Variants in BOD1L1 observed in about 807,000 individuals in gnomAD.
BOD1L1 encodes biorientation of chromosomes in cell division 1 like 1, also known as biorientation of chromosomes in cell division protein 1-like 1.
A neutral mutation model predicts 240.7 loss-of-function variants in BOD1L1; 86 were observed. The observed-to-expected ratio is 0.36, with a 90% CI of 0.30 to 0.43. The LOEUF is 0.43. Among genes scored for constraint, BOD1L1 ranks in the 20% least tolerant of loss-of-function variants. The pLI is 1.00. For synonymous variants in BOD1L1, 1,268 were observed against 1,272.3 expected (o/e 1.00, Z 0.07); for missense variants, 3,554 against 3,643.5 (o/e 0.98, Z 0.63).
intron 9 of BOD1L1, among the ~76,000 whole-genome samples, chr4:13,606,017 T>G (rs1251319497): frequency 6.6e-6 from 1 of 152,220 alleles, no homozygotes; most frequent in Admixed American, 6.5e-5. Context: ...ATTATTCTTA[T>G]GCAAATAATG....
At chr4:13,608,713 C>CA in intron 7 of BOD1L1, 45 bp from the exon 8 acceptor site, 8 of 1,353,976 alleles carry the variant, frequency 5.9e-6, no homozygotes, top group Non-Finnish European at 7.7e-6. Flanking sequence ...AAAAGTTTTA[C>CA]AAACAATGTA....
intron 21 of BOD1L1, among the ~76,000 whole-genome samples, chr4:13,580,399 C>G (rs372507537): frequency 5.8e-4 from 88 of 152,296 alleles, no homozygotes; most frequent in African/African-American, 2.0e-3. Context: ...CCCTAAGTCA[C>G]AGGTCTCGGG....
chr4:13,593,827 A>AT (rs1714405610), intron 12 of BOD1L1, among the ~76,000 whole-genome samples: 1 of 152,194 alleles, frequency 6.6e-6, no homozygotes, highest in African/African-American at 2.4e-5. Context: ...CCCTCCTGGC[A>AT]CCTTTCCCAA....
intron 21 of BOD1L1, among the ~76,000 whole-genome samples, chr4:13,580,568 C>T (rs187800865): frequency 1.9e-4 from 29 of 152,136 alleles, no homozygotes; most frequent in African/African-American, 5.3e-4. Flanking sequence ...GGTGGGTATA[C>T]GTCAGGGTCA....
chr4:13,609,910 C>T (rs977109804), intron 6 of BOD1L1, among the ~76,000 whole-genome samples: 1 of 152,130 alleles, frequency 6.6e-6, no homozygotes, highest in African/African-American at 2.4e-5. Flanking sequence ...ACTTGCAGGT[C>T]TTTTACAGCA....
Position 13,601,576 on chromosome 4 carries a change from T to A in BOD1L1, c.5324A>T (p.Gln1775Leu), listed in dbSNP as rs61995954. Reference protein sequence around the residue: ...NDAPPGTSASQEGDGSVNDGT... With the variant: ...NDAPPGTSASLEGDGSVNDGT... The stretch of plus-strand genomic sequence containing the variant: ...ATCATTCACAGAACCATCTCCTTCT[T>A]GGCTGGCACTTGTTCCTGGTGGTGC... The change falls in exon 10 of 26, where the codon CAA (glutamine) becomes CTA (leucine). Residue 1775 changes from glutamine (Q) to leucine (L), a missense_variant. This residue lies in a region of BOD1L1 where 3,393 missense variants were observed against 3,427.1 expected (regional missense o/e 0.99). Transcript: ENST00000040738. 7.4e-6 allele frequency: 12 copies of A among 1,614,026 alleles called. No individual in the cohort carries two copies. The highest frequency in any genetic ancestry group is 9.3e-6 in the Non-Finnish European group (11 of 1,179,892).
chr4:13,599,868 A>G lies in BOD1L1; in HGVS notation c.7032T>C (p.Ile2344=), dbSNP rs1714958760. ...TAECMPISAS[I]DRHEENQLTA... ...TCAGCTGATTCTCTTCATGTCTGTC[A>G]ATGCTGGCGGAAATTGGCATACATT... is the stretch of plus-strand genomic sequence containing the variant. The change falls in exon 10 of 26, where the codon ATT becomes ATC. Residue 2344 remains isoleucine (I), a synonymous_variant. Coordinates refer to ENST00000040738, the MANE Select transcript of BOD1L1 (RefSeq NM_148894.3). The G allele has an allele frequency of 1.2e-6, 2 of 1,613,826 alleles. No individual in the cohort carries two copies. Among genetic ancestry groups the G allele is most frequent in the Non-Finnish European group, 1.7e-6 (2 of 1,179,888 alleles).
At position 13,616,611 on chromosome 4, in the gene BOD1L1, C is replaced by T. The variant is rs910522739; in HGVS notation, c.369-1109G>A. ...AGATCAAAGTGCTCGTCATTTTTAG[C>T]TTCTAAGCCTCAACTGCTCTCTATG... is the stretch of plus-strand genomic sequence containing the variant. On this transcript the variant is annotated intron_variant, in intron 2 of 25. Transcript: ENST00000040738. Among the ~76,000 whole-genome samples, 5 of 152,338 alleles carry T rather than the reference C, an allele frequency of 3.3e-5. No individual in the cohort carries two copies. In the South Asian group the frequency reaches 1.0e-3, roughly 32 times the overall value.
chr4:13,577,136 C>G, intron 24 of BOD1L1, 145 bp from the exon 25 acceptor site: 3 of 999,744 alleles, frequency 3.0e-6, no homozygotes, highest in South Asian at 3.5e-5. Context: ...TCAGCACTTG[C>G]AATTCACAAC....
chr4:13,600,443 C>T lies in BOD1L1; in HGVS notation c.6457G>A (p.Glu2153Lys), dbSNP rs773336847. ...MISTSIGEEF[E>K]LPISSATTIK... ...GTTGTTGCACTGGAGATAGGCAATTCGAATTCTTCCCCTATGCTTGTGGAA... is the reference window on the plus strand; with the variant it reads ...GTTGTTGCACTGGAGATAGGCAATTTGAATTCTTCCCCTATGCTTGTGGAA... The change falls in exon 10 of 26, where the codon GAA (glutamate) becomes AAA (lysine). Residue 2153 changes from glutamate (E) to lysine (K), a missense_variant. By Grantham distance (56) the Glu-to-Lys change is moderately conservative. Transcript: ENST00000040738. 59 of 1,613,776 alleles carry T rather than the reference C, an allele frequency of 3.7e-5. No homozygotes were observed. The highest frequency in any genetic ancestry group is 6.7e-5 in the East Asian group (3 of 44,882).
intron 22 of BOD1L1, chr4:13,577,906 C>CT (rs752860284): frequency 0.053 from 12,044 of 227,396 alleles, 15 homozygotes; most frequent in South Asian, 0.11. Flanking sequence ...GATTAGACTA[C>CT]TTTTTTTTTT....
In BOD1L1 at chr4:13,601,452, A is replaced by G. The variant is rs1715150292; in HGVS notation, c.5448T>C (p.Phe1816=). 3.1e-6 allele frequency: 5 copies of G among 1,613,990 alleles called. No individual in the cohort carries two copies. Among genetic ancestry groups the G allele is most frequent in the African/African-American group, 1.3e-5 (1 of 75,036 alleles). The change falls in exon 10 of 26, where the codon TTT becomes TTC. Residue 1816 remains phenylalanine (F), a synonymous_variant. Transcript: ENST00000040738. ...TTTCTTCCGATTCAGAACTTATAGC[A>G]AAGCCTTCGCTGCTATCTTCTGAAC... The part of the protein sequence containing the change: ...CTGSEDSSEG[F]AISSESEENG...
rs1715243102 is a variant in BOD1L1, at chr4:13,602,149, G to A, written c.4751C>T (p.Thr1584Ile). 1.2e-6 allele frequency: 2 copies of A among 1,613,862 alleles called. No homozygotes were observed. Among genetic ancestry groups the A allele is most frequent in the African/African-American group, 1.3e-5 (1 of 74,920 alleles). ...LHVGAEASEC[T>I]VFAAAEEGGA... is the part of the protein sequence containing the mutation. ...ACCTTCTTCAGCTGCAGCAAAAACA[G>A]TGCATTCACTGGCTTCTGCACCAAC... The change falls in exon 10 of 26, where the codon ACT (threonine) becomes ATT (isoleucine). Residue 1584 changes from threonine to isoleucine, a missense_variant. By Grantham distance (89) the Thr-to-Ile change is moderately conservative. This residue lies in a region of BOD1L1 where 3,393 missense variants were observed against 3,427.1 expected (regional missense o/e 0.99). Transcript: ENST00000040738.
intron 12 of BOD1L1, 100 bp from the exon 13 acceptor site, chr4:13,592,066 G>C: frequency 2.6e-6 from 2 of 771,910 alleles, no homozygotes; most frequent in Non-Finnish European, 2.1e-6. Context: ...CCTATCCTAT[G>C]TCACCAAGTG....
chr4:13,574,877 C>T (rs73110073), intron 25 of BOD1L1, among the ~76,000 whole-genome samples: 5,259 of 151,604 alleles, frequency 0.035, 297 homozygotes, highest in African/African-American at 0.12. Flanking sequence ...TGTGTTAAGT[C>T]TGGAGGAATT....
chr4:13,575,066 C>G (rs996352070), intron 25 of BOD1L1, among the ~76,000 whole-genome samples: 3 of 151,844 alleles, frequency 2.0e-5, no homozygotes, highest in Non-Finnish European at 4.4e-5. Context: ...ATTACTGGCA[C>G]GTGCCACCAC....
Position 13,596,692 on chromosome 4 carries a change from A to T in BOD1L1, c.8019+412T>A, listed in dbSNP as rs1483183820. 3.9e-5 allele frequency among the ~76,000 whole-genome samples: 6 copies of T among 152,284 alleles called. No individual in the cohort carries two copies. The East Asian group carries it at 1.2e-3, about 29-fold the overall frequency. ...TATGTTTCTAATGACTACCTGCAGG[A>T]CTGTGTGAATCACACTGGAGGAGGG... On this transcript the variant is annotated intron_variant, in intron 11 of 25. Transcript: ENST00000040738.
chr4:13,593,882 A>G (rs1283914797), intron 12 of BOD1L1, among the ~76,000 whole-genome samples: 1 of 152,244 alleles, frequency 6.6e-6, no homozygotes, highest in Non-Finnish European at 1.5e-5. Context: ...CCAGGAACAC[A>G]GCACCTGACT....
At chr4:13,587,560 C>T (rs1483325561) in intron 16 of BOD1L1, 139 bp downstream of exon 16, 3 of 647,838 alleles carry the variant, frequency 4.6e-6, no homozygotes, top group Non-Finnish European at 8.0e-6. Flanking sequence ...TCAAGCCAGT[C>T]TAGAAACAAA....
Sources: allele counts gnomAD v4.1 joint callset (sites outside exome capture counted in the v4.1 genomes callset), GRCh38; gene constraint gnomAD v4.1.1; regional missense constraint gnomAD v4.1.1; transcripts MANE v1.5; gene names NCBI Gene and HGNC (gene_info 2026-07-23, HGNC 2026-07-21).